Variants in RALYL observed in about 807,000 individuals in gnomAD.
RALYL encodes RNA-binding Raly-like protein.
RALYL carries 29 observed loss-of-function variants against 35.1 expected under a neutral mutation model. The ratio of observed to expected loss-of-function variants is 0.83; its 90% CI spans 0.61 to 1.13. The LOEUF is 1.13. Among genes scored for constraint, RALYL ranks in the 50% most tolerant of loss-of-function variants. The pLI is 0.00. For missense variants in RALYL, 359 were observed against 360.4 expected (o/e 1.00, Z 0.03); for synonymous variants, 120 against 127.6 (o/e 0.94, Z 0.40).
intron 2 of RALYL, among the ~76,000 whole-genome samples, chr8:84,770,985 C>T (rs982786363): frequency 4.6e-5 from 7 of 151,988 alleles, no homozygotes; most frequent in Admixed American, 1.3e-4. Flanking sequence ...AGATTTTCTC[C>T]CACTCTGTGG....
At chr8:84,438,092 C>T (rs1159688431) in intron 1 of RALYL, among the ~76,000 whole-genome samples, 2 of 152,110 alleles carry the variant, frequency 1.3e-5, no homozygotes, top group African/African-American at 4.8e-5. Context: ...TTTTGCCTCA[C>T]TTTTTAATGG....
chr8:84,209,279 C>T (rs1447796683), intron 1 of RALYL, among the ~76,000 whole-genome samples: 2 of 152,084 alleles, frequency 1.3e-5, no homozygotes, highest in African/African-American at 4.8e-5. Context: ...TTGAACAAAA[C>T]ATAAGTGCTG....
intron 2 of RALYL, among the ~76,000 whole-genome samples, chr8:84,610,825 TC>T (rs1202945503): frequency 1.5e-4 from 23 of 152,322 alleles, no homozygotes; most frequent in Admixed American, 7.2e-4. Context: ...CACTCAGAGC[TC>T]CTTCAGTGGG....
chr8:84,371,161 T>C (rs1348454995), intron 1 of RALYL, among the ~76,000 whole-genome samples: 1 of 151,982 alleles, frequency 6.6e-6, no homozygotes, highest in Non-Finnish European at 1.5e-5. Flanking sequence ...ACATCCACAT[T>C]CACTCAGTAT....
chr8:84,726,290 A>T (rs867990538), intron 2 of RALYL, among the ~76,000 whole-genome samples: 61 of 146,670 alleles, frequency 4.2e-4, no homozygotes, highest in Middle Eastern at 3.7e-3. Context: ...ATATATTTTT[A>T]AAAATAAAAT....
chr8:84,742,366 A>G (rs1161606223), intron 2 of RALYL, among the ~76,000 whole-genome samples: 1 of 152,048 alleles, frequency 6.6e-6, no homozygotes, highest in Non-Finnish European at 1.5e-5. Context: ...ATTAGCAAAT[A>G]TTAGACAATT....
At chr8:84,215,319 A>G (rs558670191) in intron 1 of RALYL, among the ~76,000 whole-genome samples, 6 of 152,258 alleles carry the variant, frequency 3.9e-5, no homozygotes, top group Admixed American at 6.5e-5. Context: ...TTATGATTCA[A>G]ATATGGAAAC....
At chr8:84,654,261 C>A (rs1829452570) in intron 2 of RALYL, among the ~76,000 whole-genome samples, 1 of 101,136 alleles carries the variant, frequency 9.9e-6, no homozygotes, top group South Asian at 3.4e-4. Flanking sequence ...ATATGTATAT[C>A]TCATGTTCCA....
intron 1 of RALYL, among the ~76,000 whole-genome samples, chr8:84,419,895 A>G (rs1477846881): frequency 2.0e-5 from 3 of 151,698 alleles, no homozygotes; most frequent in Admixed American, 1.3e-4. Flanking sequence ...TTATGGCTGC[A>G]TAGTATTCCA....
chr8:84,439,670 C>A (rs2048126942), intron 1 of RALYL, among the ~76,000 whole-genome samples: 1 of 151,702 alleles, frequency 6.6e-6, no homozygotes, highest in African/African-American at 2.4e-5. Flanking sequence ...ATATGATTTT[C>A]TTTTGCTCAT....
chr8:84,682,368 G>T (rs1332532374), intron 2 of RALYL, among the ~76,000 whole-genome samples: 1 of 152,196 alleles, frequency 6.6e-6, no homozygotes, highest in Admixed American at 6.5e-5. Context: ...ATGAGTTAGG[G>T]AGGATTCCTT....
At chr8:84,303,322 G>A (rs1175016245) in intron 1 of RALYL, among the ~76,000 whole-genome samples, 1 of 152,154 alleles carries the variant, frequency 6.6e-6, no homozygotes, top group African/African-American at 2.4e-5. Context: ...ATAAATTGAT[G>A]TGAGTTAAAA....
At chr8:84,683,686 T>C (rs904144008) in intron 2 of RALYL, among the ~76,000 whole-genome samples, 4 of 152,000 alleles carry the variant, frequency 2.6e-5, no homozygotes, top group African/African-American at 9.7e-5. Flanking sequence ...TTTTTGGTTT[T>C]GGTTTTGGTT....
chr8:84,626,899 G>A (rs1450519801), intron 2 of RALYL, among the ~76,000 whole-genome samples: 7 of 152,138 alleles, frequency 4.6e-5, no homozygotes, highest in Non-Finnish European at 8.8e-5. Context: ...CTTACAGTTT[G>A]CTGCGCTTTC....
intron 1 of RALYL, among the ~76,000 whole-genome samples, chr8:84,484,364 T>C (rs2133935292): frequency 6.6e-6 from 1 of 152,218 alleles, no homozygotes; most frequent in East Asian, 1.9e-4. Flanking sequence ...AAATTACCAC[T>C]GTGGTATGAC....
At chr8:84,760,105 GAT>G (rs1812339697) in intron 2 of RALYL, among the ~76,000 whole-genome samples, 1 of 151,922 alleles carries the variant, frequency 6.6e-6, no homozygotes, top group South Asian at 2.1e-4. Context: ...TGTACCCTTA[GAT>G]ATTATTTTTC....
intron 8 of RALYL, among the ~76,000 whole-genome samples, chr8:84,896,498 A>AT (rs761863019): frequency 7.9e-5 from 12 of 152,158 alleles, no homozygotes; most frequent in Admixed American, 6.5e-5. Flanking sequence ...AAACTCTCTA[A>AT]TAACTGCCTA....
intron 8 of RALYL, among the ~76,000 whole-genome samples, chr8:84,920,002 C>G (rs189858971): frequency 1.3e-5 from 2 of 152,150 alleles, no homozygotes; most frequent in African/African-American, 4.8e-5. Context: ...CACACTCAGT[C>G]TTTTTCATAA....
chr8:84,470,150 A>G (rs1399118878), intron 1 of RALYL, among the ~76,000 whole-genome samples: 1 of 152,150 alleles, frequency 6.6e-6, no homozygotes, highest in Non-Finnish European at 1.5e-5. Context: ...CTATTCGGCC[A>G]TCTTGGCTCC....
Sources: allele counts gnomAD v4.1 joint callset (sites outside exome capture counted in the v4.1 genomes callset), GRCh38; gene constraint gnomAD v4.1.1; transcripts MANE v1.5; gene names NCBI Gene and HGNC (gene_info 2026-07-23, HGNC 2026-07-21).